The following GPC6 variants were observed in gnomAD, a reference collection of about 807,000 sequenced individuals.
The protein encoded by GPC6 is glypican-6.
In GPC6, 14 loss-of-function variants were observed where a neutral mutation model predicts 55.2. That is an observed-to-expected ratio of 0.25 (90% confidence interval 0.17 to 0.40). The LOEUF (loss-of-function observed/expected upper bound fraction) is 0.40, where lower values mean the gene tolerates loss of function less well. GPC6 is among the 10% of genes least tolerant of loss of function. The pLI, the probability that GPC6 is intolerant of heterozygous loss-of-function variation, is 1.00. For missense variants in GPC6, 641 were observed against 708.5 expected (o/e 0.90, Z 1.08); for synonymous variants, 278 against 259.6 (o/e 1.07, Z -0.68).
In GPC6 at chr13:94,157,425, A is replaced by T. The variant is rs182354007; in HGVS notation, c.878-128924A>T. Among the ~76,000 whole-genome samples the T allele has an allele frequency of 3.3e-4, 50 of 152,258 alleles. No homozygotes were observed. In the South Asian group the frequency reaches 6.4e-3, roughly 20 times the overall value. On this transcript the variant is annotated intron_variant, in intron 4 of 8. Coordinates refer to ENST00000377047, the MANE Select transcript of GPC6 (RefSeq NM_005708.5). ...ATAGAAACCTTCGTGATAGGAGTCA[A>T]AGCCCAGGTGGGCTTGAAAGGATGG...
chr13:94,398,256 A>G (rs1181239324), intron 7 of GPC6, among the ~76,000 whole-genome samples: 1 of 151,130 alleles, frequency 6.6e-6, no homozygotes, highest in East Asian at 1.9e-4. Context: ...AAAAAAAACT[A>G]GTCTGAGGCT....
At chr13:93,764,982 G>A (rs961720734) in intron 2 of GPC6, among the ~76,000 whole-genome samples, 2 of 151,902 alleles carry the variant, frequency 1.3e-5, no homozygotes, top group Non-Finnish European at 2.9e-5. Context: ...TGTATTTTTA[G>A]TAGAGACAGG....
chr13:93,987,489 G>T (rs1881083480), intron 3 of GPC6, among the ~76,000 whole-genome samples: 2 of 152,126 alleles, frequency 1.3e-5, no homozygotes, highest in Admixed American at 1.3e-4. Context: ...TTCTATGAAA[G>T]GATCAGATTC....
At chr13:93,359,759 G>A (rs1880981096) in intron 1 of GPC6, among the ~76,000 whole-genome samples, 1 of 152,142 alleles carries the variant, frequency 6.6e-6, no homozygotes, top group Non-Finnish European at 1.5e-5. Context: ...TAATTTACCT[G>A]GAGGAAGGCA....
At chr13:93,441,625 T>G (rs1877807360) in intron 1 of GPC6, among the ~76,000 whole-genome samples, 1 of 152,230 alleles carries the variant, frequency 6.6e-6, no homozygotes, top group Non-Finnish European at 1.5e-5. Flanking sequence ...TGTAAAAATT[T>G]TCTCCCATGT....
At chr13:94,166,544 G>C (rs1888377448) in intron 4 of GPC6, among the ~76,000 whole-genome samples, 1 of 152,128 alleles carries the variant, frequency 6.6e-6, no homozygotes, top group East Asian at 1.9e-4. Context: ...TTAATATGGA[G>C]AGGTCTTATA....
chr13:94,175,937 C>CATATATATAT lies in GPC6; in HGVS notation c.878-110402_878-110393dup, dbSNP rs377560714. On this transcript the variant is annotated intron_variant, in intron 4 of 8. Transcript: ENST00000377047. ...CCCAAAAGGGAGTATCCAAATGAGC[C>CATATATATAT]ATATATATATATATATATAGAGAGA... Among the ~76,000 whole-genome samples, 200 of 127,828 alleles carry CATATATATAT rather than the reference C, an allele frequency of 1.6e-3. 1 individual carries two copies. Among genetic ancestry groups the CATATATATAT allele is most frequent in the East Asian group, 0.014 (64 of 4,518 alleles). 83.9% of individuals were successfully genotyped at this position (127,828 alleles called of 152,430 possible).
rs559100746 is a variant in GPC6, at chr13:94,296,967, G to A, written c.1009-9013G>A. Among the ~76,000 whole-genome samples the A allele has an allele frequency of 1.7e-4, 26 of 152,000 alleles. No homozygotes were observed. In the East Asian group the frequency reaches 1.7e-3, roughly 10 times the overall value. ...CAACTTAATTTTTAATAATCAATGC[G>A]TTTGTTAATAAACACATTAATAATG... On this transcript the variant is annotated intron_variant, in intron 5 of 8. Coordinates refer to ENST00000377047, the MANE Select transcript of GPC6 (RefSeq NM_005708.5).
intron 3 of GPC6, among the ~76,000 whole-genome samples, chr13:93,895,012 G>A (rs1282416468): frequency 6.6e-6 from 1 of 150,812 alleles, no homozygotes; most frequent in Non-Finnish European, 1.5e-5. Context: ...TTGAGAGAAA[G>A]CCACTTTCTC....
At chr13:93,645,768 G>A (rs1320951346) in intron 2 of GPC6, among the ~76,000 whole-genome samples, 4 of 152,062 alleles carry the variant, frequency 2.6e-5, no homozygotes, top group African/African-American at 9.7e-5. Context: ...AGTAAATAAT[G>A]GTATGTTTTA....
chr13:94,035,695 T>C (rs1478766327), intron 4 of GPC6, among the ~76,000 whole-genome samples: 2 of 152,068 alleles, frequency 1.3e-5, no homozygotes, highest in Non-Finnish European at 2.9e-5. Context: ...AACACATCTT[T>C]GTGCAATGTG....
At chr13:94,140,406 T>G (rs138566478) in intron 4 of GPC6, among the ~76,000 whole-genome samples, 1 of 152,320 alleles carries the variant, frequency 6.6e-6, no homozygotes, top group African/African-American at 2.4e-5. Context: ...ATGTTTAAAA[T>G]ATGTTTAGAA....
chr13:93,301,075 C>T (rs1878662474), intron 1 of GPC6, among the ~76,000 whole-genome samples: 1 of 152,148 alleles, frequency 6.6e-6, no homozygotes, highest in Non-Finnish European at 1.5e-5. Context: ...TCAAATCCAA[C>T]CCGGTTCCAT....
chr13:93,388,076 T>C (rs763361476), intron 1 of GPC6, among the ~76,000 whole-genome samples: 4 of 152,252 alleles, frequency 2.6e-5, no homozygotes, highest in Non-Finnish European at 4.4e-5. Context: ...GGTCTTTGAA[T>C]GAGATATGAT....
At chr13:93,332,325 T>G (rs1879882857) in intron 1 of GPC6, among the ~76,000 whole-genome samples, 1 of 151,748 alleles carries the variant, frequency 6.6e-6, no homozygotes, top group Non-Finnish European at 1.5e-5. Flanking sequence ...TATCTTACAT[T>G]CCCACGCAAC....
At chr13:93,453,841 A>G (rs1878323528) in intron 1 of GPC6, among the ~76,000 whole-genome samples, 1 of 151,946 alleles carries the variant, frequency 6.6e-6, no homozygotes, top group Non-Finnish European at 1.5e-5. Context: ...AGCAAGATTT[A>G]TTGCAAAGAG....
At chr13:94,027,925 G>C in intron 4 of GPC6, 31 bp downstream of exon 4, 1 of 1,599,784 alleles carries the variant, frequency 6.3e-7, no homozygotes, top group Non-Finnish European at 8.6e-7. Context: ...TCCGAGAACA[G>C]AGACGGGACA....
In GPC6 at chr13:93,967,474, C is replaced by T. The variant is rs192281466; in HGVS notation, c.712-60255C>T. On this transcript the variant is annotated intron_variant, in intron 3 of 8. Transcript: ENST00000377047. ...TGCCATTCCTACATGCTCATATTTG[C>T]TTAAAAAGACTGAAAATGCTGTGTA... 1.3e-4 allele frequency among the ~76,000 whole-genome samples: 20 copies of T among 152,236 alleles called. No homozygotes were observed. In the East Asian group the frequency reaches 3.3e-3, roughly 25 times the overall value.
rs569754646 is a variant in GPC6, at chr13:94,027,627, G to GTTAA, written c.712-101_712-98dup. 1,102 of 997,942 alleles carry GTTAA rather than the reference G, an allele frequency of 1.1e-3. 2 individuals are homozygous for GTTAA. The highest frequency in any genetic ancestry group is 1.5e-3 in the Non-Finnish European group (980 of 632,496). The allele number at this position is 997,942 out of a possible 1,614,324, so 61.8% of individuals were successfully genotyped here. A position where few individuals can be genotyped will look rare whatever the true frequency, so the allele number is the denominator to read the frequency against. Reference sequence around the variant, plus strand: ...GATTCAAGATCAGTAATTACAAAGGGTTAAGATTCTGCTTGTGGTTTATCA... The same window carrying GTTAA: ...GATTCAAGATCAGTAATTACAAAGGGTTAATTAAGATTCTGCTTGTGGTTTATCA... On this transcript the variant is annotated intron_variant, in intron 3 of 8. Coordinates refer to ENST00000377047, the MANE Select transcript of GPC6 (RefSeq NM_005708.5).
Sources: gnomAD v4.1 joint callset for allele counts (sites outside exome capture counted in the v4.1 genomes callset) on GRCh38, gnomAD v4.1.1 for gene constraint, MANE v1.5 for transcripts, NCBI Gene and HGNC (gene_info 2026-07-23, HGNC 2026-07-21) for gene names.